MAP3K5: variants seen among roughly 807,000 people sequenced by gnomAD.
MAP3K5 encodes the protein ASK-1.
Under a neutral mutation model 158.7 loss-of-function variants are expected in MAP3K5, and 56 were observed. The ratio of observed to expected loss-of-function variants is 0.35; its 90% CI spans 0.28 to 0.44. The LOEUF is 0.44. MAP3K5 is among the 20% of genes least tolerant of loss of function. MAP3K5 has a pLI of 1.00. For synonymous variants in MAP3K5, 579 were observed against 601.7 expected (o/e 0.96, Z 0.55); for missense variants, 1,294 against 1,674.8 (o/e 0.77, Z 3.97).
rs1396487191 is a variant in MAP3K5, at chr6:136,716,014, A to G, written c.588+4436T>C. 3.0e-5 allele frequency among the ~76,000 whole-genome samples: 4 copies of G among 132,420 alleles called. No homozygotes were observed. In the Admixed American group the frequency reaches 3.1e-4, roughly 10 times the overall value. The allele number at this position is 132,420 out of a possible 152,430, so 86.9% of individuals were successfully genotyped here. ...CACTGCACTCCAGCCCGGGTGACAA[A>G]GCAAGATCGTCTCAAAAAAAAAAAA... On this transcript the variant is annotated intron_variant, in intron 2 of 29. Coordinates refer to ENST00000359015, the MANE Select transcript of MAP3K5 (RefSeq NM_005923.4).
rs542721272 is a variant in MAP3K5 at position 136,701,916 on chromosome 6, G to A, written c.612+3194C>T. Among the ~76,000 whole-genome samples the A allele has an allele frequency of 4.6e-5, 7 of 152,192 alleles. No individual in the cohort carries two copies. In the East Asian group the frequency reaches 9.6e-4, roughly 21 times the overall value. On this transcript the variant is annotated intron_variant, in intron 3 of 29. Coordinates refer to ENST00000359015, the MANE Select transcript of MAP3K5 (RefSeq NM_005923.4). ...TTATCAGATATTATTATTGAAATACGGGGCAATGGGGAATACTGCACCTGT... is the reference window on the plus strand; with the variant it reads ...TTATCAGATATTATTATTGAAATACAGGGCAATGGGGAATACTGCACCTGT...
chr6:136,661,967 T>C (rs1259749585), intron 8 of MAP3K5, among the ~76,000 whole-genome samples: 1 of 152,242 alleles, frequency 6.6e-6, no homozygotes, highest in African/African-American at 2.4e-5. Context: ...AGCCAGCATT[T>C]GGATAAAATG....
chr6:136,759,463 T>TATATATATATATATATATATATATATAC (rs1783644679), intron 1 of MAP3K5, among the ~76,000 whole-genome samples: 1 of 139,676 alleles, frequency 7.2e-6, no homozygotes, highest in Non-Finnish European at 1.5e-5. Flanking sequence ...ACTATATATA[T>TATATATATATATATATATATATATATAC]ATATATATAT....
rs368661488 is a variant in MAP3K5, at chr6:136,761,288, T to TAAAAA, written c.448+30417_448+30421dup. Among the ~76,000 whole-genome samples, 6 of 118,426 alleles carry TAAAAA rather than the reference T, an allele frequency of 5.1e-5. 1 individual carries two copies. The highest frequency in any genetic ancestry group is 6.9e-5 in the Non-Finnish European group (4 of 58,298). The allele number at this position is 118,426 out of a possible 152,430, so 77.7% of individuals were successfully genotyped here. On this transcript the variant is annotated intron_variant, in intron 1 of 29. Coordinates refer to ENST00000359015, the MANE Select transcript of MAP3K5 (RefSeq NM_005923.4). ...GAATAAAGAAAATAGACCCTAACTT[T>TAAAAA]AAAAAAAAAAAAAAAAAAACGAACA... is the stretch of plus-strand genomic sequence containing the variant.
intron 10 of MAP3K5, among the ~76,000 whole-genome samples, chr6:136,651,652 T>C (rs1277005578): frequency 6.6e-6 from 1 of 152,104 alleles, no homozygotes; most frequent in Non-Finnish European, 1.5e-5. Flanking sequence ...AATAAACACG[T>C]TTTTGCACTG....
At chr6:136,667,150 A>G (rs977226497) in intron 8 of MAP3K5, among the ~76,000 whole-genome samples, 4 of 152,206 alleles carry the variant, frequency 2.6e-5, no homozygotes, top group Admixed American at 6.5e-5. Flanking sequence ...AGAGGCTTCA[A>G]CAAAACCTCA....
intron 7 of MAP3K5, among the ~76,000 whole-genome samples, chr6:136,687,480 A>T (rs921911528): frequency 1.1e-4 from 16 of 152,228 alleles, no homozygotes; most frequent in African/African-American, 3.6e-4. Context: ...CATCAGAATG[A>T]ACAGGAAACC....
chr6:136,597,752 G>C (rs940104852), intron 21 of MAP3K5, among the ~76,000 whole-genome samples: 2 of 152,196 alleles, frequency 1.3e-5, no homozygotes, highest in Non-Finnish European at 2.9e-5. Context: ...ATAGCAGAGG[G>C]TTAAAAATGT....
At chr6:136,633,444 C>A (rs1777472486) in intron 14 of MAP3K5, among the ~76,000 whole-genome samples, 1 of 146,040 alleles carries the variant, frequency 6.8e-6, no homozygotes, top group African/African-American at 2.5e-5. Flanking sequence ...TATATATATT[C>A]TTTTCAACTC....
intron 14 of MAP3K5, among the ~76,000 whole-genome samples, chr6:136,630,634 C>T (rs1777303185): frequency 2.0e-5 from 3 of 152,246 alleles, no homozygotes; most frequent in African/African-American, 7.2e-5. Flanking sequence ...AGACCACTTG[C>T]ACCTAGAGGA....
chr6:136,660,332 G>A (rs1003414576), intron 8 of MAP3K5, among the ~76,000 whole-genome samples: 1 of 152,036 alleles, frequency 6.6e-6, no homozygotes, highest in Non-Finnish European at 1.5e-5. Context: ...TGGGAGGATT[G>A]CTTGAACTCA....
At chr6:136,757,586 A>ATTTTTTTTTTT (rs897486770) in intron 1 of MAP3K5, among the ~76,000 whole-genome samples, 14 of 127,804 alleles carry the variant, frequency 1.1e-4, no homozygotes, top group East Asian at 2.3e-4. Context: ...TTTATTTTTT[A>ATTTTTTTTTTT]TTTTTTTTTT....
chr6:136,588,423 A>T (rs1432726367), intron 23 of MAP3K5, among the ~76,000 whole-genome samples: 1 of 152,232 alleles, frequency 6.6e-6, no homozygotes, highest in Admixed American at 6.5e-5. Flanking sequence ...ATGAAAATTA[A>T]ATGAGCAAAT....
At chr6:136,646,486 A>G (rs1361559217) in intron 11 of MAP3K5, among the ~76,000 whole-genome samples, 1 of 152,204 alleles carries the variant, frequency 6.6e-6, no homozygotes. Context: ...CTCATTTTCC[A>G]AAAATCTCTG....
intron 14 of MAP3K5, among the ~76,000 whole-genome samples, chr6:136,623,608 T>C (rs1412916555): frequency 6.6e-6 from 1 of 152,196 alleles, no homozygotes; most frequent in African/African-American, 2.4e-5. Context: ...AACTGTCAAG[T>C]ATGTCAGCCA....
rs760563651 is a variant in MAP3K5 at position 136,593,714 on chromosome 6, C to CAA, written c.2879-1102_2879-1101dup. On this transcript the variant is annotated intron_variant, in intron 21 of 29. Coordinates refer to ENST00000359015, the MANE Select transcript of MAP3K5 (RefSeq NM_005923.4). The stretch of plus-strand genomic sequence containing the variant: ...ATGATCTATCCTATGGACAGATATG[C>CAA]AAAAAAAAAAAAAAAAAAGAAAGTG... 5.1e-3 allele frequency: 1,245 copies of CAA among 242,354 alleles called. 1 individual carries two copies. The highest frequency in any genetic ancestry group is 7.2e-3 in the South Asian group (258 of 36,026). The allele number at this position is 242,354 out of a possible 1,614,324, so 15.0% of individuals were successfully genotyped here.
At chr6:136,757,242 C>G (rs1373479808) in intron 1 of MAP3K5, among the ~76,000 whole-genome samples, 1 of 152,206 alleles carries the variant, frequency 6.6e-6, no homozygotes, top group Non-Finnish European at 1.5e-5. Context: ...ATACCTACCT[C>G]TAGGACTTTT....
At chr6:136,704,634 C>T (rs1251168636) in intron 3 of MAP3K5, among the ~76,000 whole-genome samples, 1 of 152,210 alleles carries the variant, frequency 6.6e-6, no homozygotes, top group Non-Finnish European at 1.5e-5. Context: ...CAACCTCCGC[C>T]TCCCGGGTTC....
chr6:136,601,745 C>T (rs1775884776), intron 20 of MAP3K5, 57 bp downstream of exon 20: 1 of 1,529,714 alleles, frequency 6.5e-7, no homozygotes, highest in Non-Finnish European at 8.9e-7. Flanking sequence ...ATTCTTCCAT[C>T]TTAAAAGCTT....
Sources: gnomAD v4.1 joint callset for allele counts (sites outside exome capture counted in the v4.1 genomes callset) on GRCh38, gnomAD v4.1.1 for gene constraint, MANE v1.5 for transcripts, NCBI Gene and HGNC (gene_info 2026-07-23, HGNC 2026-07-21) for gene names.